Variants in TTC27 observed in about 807,000 individuals in gnomAD.
TTC27 encodes the protein tetratricopeptide repeat protein 27.
Under a neutral mutation model 115.9 loss-of-function variants are expected in TTC27, and 79 were observed. That is an observed-to-expected ratio of 0.68 (90% CI 0.57 to 0.82). TTC27 has a LOEUF of 0.82. Among genes scored for constraint, TTC27 ranks in the 40% least tolerant of loss-of-function variants. TTC27 has a pLI of 0.00. For synonymous variants in TTC27, 401 were observed against 356.0 expected (o/e 1.13, Z -1.42); for missense variants, 1,054 against 993.1 (o/e 1.06, Z -0.82).
At chr2:32,661,690 A>G (rs918099683) in intron 5 of TTC27, among the ~76,000 whole-genome samples, 1 of 152,204 alleles carries the variant, frequency 6.6e-6, no homozygotes, top group African/African-American at 2.4e-5. Context: ...GGTTTTCTAA[A>G]TATACGATAA....
intron 9 of TTC27, among the ~76,000 whole-genome samples, chr2:32,687,922 T>C (rs1666688956): frequency 6.6e-6 from 1 of 152,156 alleles, no homozygotes; most frequent in Admixed American, 6.5e-5. Context: ...AGTAAATACA[T>C]AGATAAATGG....
rs141654012 is a variant in TTC27, at chr2:32,686,216, C to T, written c.1119+7294C>T. Among the ~76,000 whole-genome samples, 270 of 152,194 alleles carry T rather than the reference C, an allele frequency of 1.8e-3. 1 individual carries two copies. The highest frequency in any genetic ancestry group is 1.9e-3 in the Non-Finnish European group (128 of 68,018). On this transcript the variant is annotated intron_variant, in intron 9 of 19. Coordinates refer to ENST00000317907, the MANE Select transcript of TTC27 (RefSeq NM_017735.5). ...AAATGGATTTACCATATCTGTGGATCGGAAGGCTCAGTATGTTGAATTCAC... is the reference window on the plus strand; with the variant it reads ...AAATGGATTTACCATATCTGTGGATTGGAAGGCTCAGTATGTTGAATTCAC...
intron 13 of TTC27, 66 bp downstream of exon 13, chr2:32,758,585 G>A (rs2147993970): frequency 6.9e-7 from 1 of 1,446,028 alleles, no homozygotes; most frequent in Non-Finnish European, 9.6e-7. Context: ...TGATCTTACA[G>A]AATGAGTACC....
intron 8 of TTC27, among the ~76,000 whole-genome samples, chr2:32,674,771 T>C (rs963645437): frequency 6.6e-6 from 1 of 152,052 alleles, no homozygotes; most frequent in Non-Finnish European, 1.5e-5. Flanking sequence ...GCCATTCTTC[T>C]GCGTCAGCCT....
intron 13 of TTC27, among the ~76,000 whole-genome samples, chr2:32,765,393 A>G (rs527943893): frequency 6.6e-6 from 1 of 151,346 alleles, no homozygotes; most frequent in East Asian, 1.9e-4. Flanking sequence ...AGTCTCCACA[A>G]TGGCCTTGAA....
intron 4 of TTC27, among the ~76,000 whole-genome samples, chr2:32,645,369 G>C (rs1664814724): frequency 6.6e-6 from 1 of 152,106 alleles, no homozygotes; most frequent in South Asian, 2.1e-4. Context: ...TTGGTGTCTT[G>C]TGAGTATACT....
At chr2:32,653,290 C>T (rs1349890735) in intron 5 of TTC27, among the ~76,000 whole-genome samples, 1 of 152,030 alleles carries the variant, frequency 6.6e-6, no homozygotes, top group Non-Finnish European at 1.5e-5. Flanking sequence ...GTTGTTTCCA[C>T]GTTGAAAGAG....
intron 13 of TTC27, among the ~76,000 whole-genome samples, chr2:32,765,440 C>G (rs1669593441): frequency 1.3e-5 from 2 of 149,014 alleles, no homozygotes; most frequent in Admixed American, 1.4e-4. Context: ...GAAGTATTGT[C>G]TTCTGGGCTT....
intron 9 of TTC27, among the ~76,000 whole-genome samples, chr2:32,679,929 T>G (rs1271209757): frequency 6.6e-6 from 1 of 152,172 alleles, no homozygotes; most frequent in Admixed American, 6.5e-5. Flanking sequence ...AGGCGGAGGT[T>G]GCAGTGAGCC....
rs533548615 is a variant in TTC27, at chr2:32,744,835, C to T, written c.1452+8019C>T. Among the ~76,000 whole-genome samples the T allele has an allele frequency of 3.9e-5, 6 of 152,050 alleles. No homozygotes were observed. The East Asian group carries it at 7.7e-4, about 20-fold the overall frequency. ...GGAGACCTAGACAGGCGGATCACAACGTCAGGAGTTTGAGACCAGCCCGCC... is the reference window on the plus strand; with the variant it reads ...GGAGACCTAGACAGGCGGATCACAATGTCAGGAGTTTGAGACCAGCCCGCC... On this transcript the variant is annotated intron_variant, in intron 12 of 19. Coordinates refer to ENST00000317907, the MANE Select transcript of TTC27 (RefSeq NM_017735.5).
Position 32,630,687 on chromosome 2 carries a change from G to C in TTC27, c.253G>C (p.Asp85His), listed in dbSNP as rs1174637457. 6.2e-7 allele frequency: 1 copy of C among 1,607,360 alleles called. No homozygotes were observed. The highest frequency in any genetic ancestry group is 1.3e-5 in the African/African-American group (1 of 74,384). ...VTFLDYSTDL[D>H]TTERQQLIFL... ...ATTCCTGGATTACTCAACAGATTTG[G>C]ACACAACGGAAAGGTAGAATTTTAT... Residue 85 changes from aspartate to histidine, a missense_variant, in exon 2 of 20, where the codon GAC becomes CAC. By Grantham distance (81) the Asp-to-His change is moderately conservative. Transcript: ENST00000317907.
chr2:32,646,187 T>C (rs1056003846), intron 4 of TTC27, among the ~76,000 whole-genome samples: 2 of 151,330 alleles, frequency 1.3e-5, no homozygotes, highest in African/African-American at 2.4e-5. Flanking sequence ...CACCACCATG[T>C]GCAGCTAATT....
At chr2:32,672,461 G>C in intron 8 of TTC27, 77 bp downstream of exon 8, 2 of 1,167,472 alleles carry the variant, frequency 1.7e-6, no homozygotes, top group Middle Eastern at 2.0e-4. Flanking sequence ...CTTTATTCAA[G>C]GAGGTTCCAA....
intron 15 of TTC27, among the ~76,000 whole-genome samples, chr2:32,783,362 A>G (rs1171067570): frequency 6.6e-6 from 1 of 152,224 alleles, no homozygotes; most frequent in Non-Finnish European, 1.5e-5. Context: ...CTCTTAGGCA[A>G]GAGAAATGAT....
intron 18 of TTC27, among the ~76,000 whole-genome samples, chr2:32,815,337 C>T (rs902359481): frequency 2.0e-4 from 29 of 145,012 alleles, no homozygotes; most frequent in African/African-American, 6.4e-4. Flanking sequence ...CCCAGGTTCA[C>T]GCCATTCTCC....
Position 32,817,456 on chromosome 2 carries a change from G to T in TTC27, c.2309-1G>T. 1 of 1,612,740 alleles carries T rather than the reference G, an allele frequency of 6.2e-7. No individual in the cohort carries two copies. The highest frequency in any genetic ancestry group is 8.5e-7 in the Non-Finnish European group (1 of 1,178,980). Reference sequence around the variant, plus strand: ...TGTTTCTCTCCATACTTATCTTCCAGTGGCCATAAAATGCAGTAAAAACAA... The same window carrying T: ...TGTTTCTCTCCATACTTATCTTCCATTGGCCATAAAATGCAGTAAAAACAA... On this transcript the variant is annotated splice_acceptor_variant, in intron 18 of 19. Coordinates refer to ENST00000317907, the MANE Select transcript of TTC27 (RefSeq NM_017735.5). LOFTEE classifies it high-confidence loss of function.
At chr2:32,801,707 G>A (rs1290598292) in intron 16 of TTC27, among the ~76,000 whole-genome samples, 3 of 152,122 alleles carry the variant, frequency 2.0e-5, no homozygotes, top group African/African-American at 7.2e-5. Context: ...ATACCTCACT[G>A]GGAGCTGTTA....
intron 10 of TTC27, among the ~76,000 whole-genome samples, chr2:32,725,192 A>C (rs1038141579): frequency 2.6e-5 from 4 of 152,156 alleles, no homozygotes; most frequent in Non-Finnish European, 5.9e-5. Flanking sequence ...TTCAAATCTC[A>C]TGTCCTCACA....
intron 9 of TTC27, among the ~76,000 whole-genome samples, chr2:32,693,687 A>G (rs1478651506): frequency 6.6e-6 from 1 of 152,214 alleles, no homozygotes; most frequent in Non-Finnish European, 1.5e-5. Context: ...TATATAAAAC[A>G]TAATTCCAGA....
Sources: gnomAD v4.1 joint callset for allele counts (sites outside exome capture counted in the v4.1 genomes callset) on GRCh38, gnomAD v4.1.1 for gene constraint, MANE v1.5 for transcripts, NCBI Gene and HGNC (gene_info 2026-07-23, HGNC 2026-07-21) for gene names.